Variants in KLF18 observed in about 807,000 individuals in gnomAD.
The protein encoded by KLF18 is Kruppel-like factor 18.
In KLF18 at chr1:44,140,913, G is replaced by T. The variant is rs962859038; in HGVS notation, c.719C>A (p.Thr240Asn). ...NQTLCGEQMT[T>N]SSGNQAFYGR... ...GTAGAAGGCCTGGTTACCACTGGAGGTCGTCATCTGCTCCCCACAGAGGGT... is the reference window on the plus strand; with the variant it reads ...GTAGAAGGCCTGGTTACCACTGGAGTTCGTCATCTGCTCCCCACAGAGGGT... Residue 240 changes from threonine to asparagine, a missense_variant, in exon 1 of 2, where the codon ACC becomes AAC. Transcript: ENST00000634670. The T allele has an allele frequency of 5.0e-6, 2 of 396,154 alleles. No homozygotes were observed. The highest frequency in any genetic ancestry group is 4.5e-6 in the Non-Finnish European group (1 of 224,510). 24.5% of individuals were successfully genotyped at this position (396,154 alleles called of 1,614,324 possible).
At position 44,139,237 on chromosome 1, in the gene KLF18, T is replaced by C; in HGVS notation, c.2395A>G (p.Thr799Ala). Reference sequence around the variant, plus strand: ...AGGGCCTGGTTACCAGTGGAGGTCGTCACCTGCTCCCCACAGAGGGTCTGG... The same window carrying C: ...AGGGCCTGGTTACCAGTGGAGGTCGCCACCTGCTCCCCACAGAGGGTCTGG... ...SNQTLCGEQV[T>A]TSTGNQALYR... Residue 799 changes from threonine (T) to alanine (A), a missense_variant, in exon 1 of 2, where the codon ACG becomes GCG. Thr to Ala is a moderately conservative substitution (Grantham distance 58, BLOSUM62 0). Coordinates refer to ENST00000634670, the MANE Select transcript of KLF18 (RefSeq NM_001358438.1). 1 of 390,498 alleles carries C rather than the reference T, an allele frequency of 2.6e-6. No homozygotes were observed. The highest frequency in any genetic ancestry group is 4.5e-6 in the Non-Finnish European group (1 of 222,398). The allele number at this position is 390,498 out of a possible 1,614,324, so 24.2% of individuals were successfully genotyped here.
rs532406716 is a variant in KLF18 at position 44,140,210 on chromosome 1, C to T, written c.1422G>A (p.Glu474=). The change falls in exon 1 of 2, where the codon GAG becomes GAA. Residue 474 remains glutamate (E), a synonymous_variant. Coordinates refer to ENST00000634670, the MANE Select transcript of KLF18 (RefSeq NM_001358438.1). The stretch of plus-strand genomic sequence containing the variant: ...GGTTACCAGTGGAGGTCGTCACCTG[C>T]TCCCCACAGAGGGTCTGGTTACTAG... ...TSTSNQTLCG[E]QVTTSTGNQA... 4 of 396,316 alleles carry T rather than the reference C, an allele frequency of 1.0e-5. No individual in the cohort carries two copies. Among genetic ancestry groups the T allele is most frequent in the South Asian group, 2.6e-4 (2 of 7,684 alleles). The allele number at this position is 396,316 out of a possible 1,614,324, so 24.5% of individuals were successfully genotyped here.
rs1326721136 is a variant in KLF18 at position 44,139,907 on chromosome 1, C to G, written c.1725G>C (p.Thr575=). The change falls in exon 1 of 2, where the codon ACG becomes ACC. Residue 575 remains threonine, a synonymous_variant. Transcript: ENST00000634670. ...GNQALYGGQI[T]TSTSNQTLCG... Reference sequence around the variant, plus strand: ...AGAGGGTCTGGTTACTAGTGGAGGTCGTGATCTGCCCCCCGTAGAGGGCCT... The same window carrying G: ...AGAGGGTCTGGTTACTAGTGGAGGTGGTGATCTGCCCCCCGTAGAGGGCCT... The G allele has an allele frequency of 2.4e-5, 9 of 369,122 alleles. 1 individual carries two copies. Among genetic ancestry groups the G allele is most frequent in the African/African-American group, 2.1e-4 (9 of 43,330 alleles). 22.9% of individuals were successfully genotyped at this position (369,122 alleles called of 1,614,324 possible).
In KLF18 at chr1:44,139,116, T is replaced by A. The variant is rs1186427939; in HGVS notation, c.2516A>T (p.Gln839Leu). 2.5e-5 allele frequency: 10 copies of A among 394,332 alleles called. No homozygotes were observed. The highest frequency in any genetic ancestry group is 4.4e-5 in the Non-Finnish European group (10 of 224,740). The allele number at this position is 394,332 out of a possible 1,614,324, so 24.4% of individuals were successfully genotyped here. The change falls in exon 1 of 2, where the codon CAG becomes CTG. Residue 839 changes from glutamine to leucine, a missense_variant. Transcript: ENST00000634670. ...CTGGTTACCAGTGGAGGTCGTCACC[T>A]GCTCCCCACAGAGGGTCTGGTTACT... ...STSNQTLCGE[Q>L]VTTSTGNQAL... is the part of the protein sequence containing the mutation.
Position 44,139,675 on chromosome 1 carries a change from G to T in KLF18, c.1957C>A (p.Leu653Ile), listed in dbSNP as rs1643214558. 2 of 397,590 alleles carry T rather than the reference G, an allele frequency of 5.0e-6. No homozygotes were observed. Among genetic ancestry groups the T allele is most frequent in the African/African-American group, 2.1e-5 (1 of 48,174 alleles). The allele number at this position is 397,590 out of a possible 1,614,324, so 24.6% of individuals were successfully genotyped here. A position where few individuals can be genotyped will look rare whatever the true frequency, so the allele number is the denominator to read the frequency against. ...QMTTSTSNQTLCEEQVMTSTG... is the reference protein window; with the variant it reads ...QMTTSTSNQTICEEQVMTSTG... ...GAGGTCATCACCTGCTCCTCACAGA[G>T]GGTCTGGTTACTAGTGGAGGTTGTC... The change falls in exon 1 of 2, where the codon CTC becomes ATC. Residue 653 changes from leucine (L) to isoleucine (I), a missense_variant. By Grantham distance (5) the Leu-to-Ile change is conservative (BLOSUM62 2). Coordinates refer to ENST00000634670, the MANE Select transcript of KLF18 (RefSeq NM_001358438.1).
chr1:44,138,678 A>T lies in KLF18; in HGVS notation c.2954T>A (p.Met985Lys). The change falls in exon 1 of 2, where the codon ATG becomes AAG. Residue 985 changes from methionine to lysine, a missense_variant. Met to Lys is a moderately conservative substitution (Grantham distance 95). Transcript: ENST00000634670. ...CCCTCACTCACCGGTGTGCTTGCGC[A>T]TGTGGGTTCGGAGGTGGCAAGCCTT... ...YSKACHLRTH[M>K]RKHTGEKPYV... 2.5e-6 allele frequency: 1 copy of T among 398,594 alleles called. No homozygotes were observed. Among genetic ancestry groups the T allele is most frequent in the East Asian group, 3.6e-5 (1 of 28,080 alleles). The allele number at this position is 398,594 out of a possible 1,614,324, so 24.7% of individuals were successfully genotyped here.
rs1439846736 is a variant in KLF18 at position 44,140,881 on chromosome 1, G to A, written c.751C>T (p.Gln251Ter). 2.6e-6 allele frequency: 1 copy of A among 383,072 alleles called. No individual in the cohort carries two copies. Among genetic ancestry groups the A allele is most frequent in the Non-Finnish European group, 4.5e-6 (1 of 221,670 alleles). 23.7% of individuals were successfully genotyped at this position (383,072 alleles called of 1,614,324 possible). Residue 251 changes from glutamine (Q) to a stop codon, truncating the protein, a stop_gained, in exon 1 of 2, where the codon CAG becomes TAG. Coordinates refer to ENST00000634670, the MANE Select transcript of KLF18 (RefSeq NM_001358438.1). LOFTEE classifies it high-confidence loss of function. The stretch of plus-strand genomic sequence containing the variant: ...TGGTTACCAGTGGAGGTCGTCATCT[G>A]TCTCCCGTAGAAGGCCTGGTTACCA... ...SSGNQAFYGR[Q>*]MTTSTGNQTL...
chr1:44,139,196 G>C lies in KLF18; in HGVS notation c.2436C>G (p.Ile812Met), dbSNP rs77624525. The change falls in exon 1 of 2, where the codon ATC (isoleucine) becomes ATG (methionine). Residue 812 changes from isoleucine (I) to methionine (M), a missense_variant. Ile to Met is a conservative substitution (Grantham distance 10, BLOSUM62 1). Coordinates refer to ENST00000634670, the MANE Select transcript of KLF18 (RefSeq NM_001358438.1). ...TGNQALYRGQITTSTSNQTLC... is the reference protein window; with the variant it reads ...TGNQALYRGQMTTSTSNQTLC... ...GGGTCTGGTTACTAGTGGAGGTCGT[G>C]ATCTGCCCCCTGTAGAGGGCCTGGT... The C allele has an allele frequency of 1.3e-4, 46 of 354,680 alleles. No individual in the cohort carries two copies. The highest frequency in any genetic ancestry group is 3.9e-4 in the Admixed American group (7 of 18,044). The allele number at this position is 354,680 out of a possible 1,614,324, so 22.0% of individuals were successfully genotyped here. A position where few individuals can be genotyped will look rare whatever the true frequency, so the allele number is the denominator to read the frequency against.
rs1643220043 is a variant in KLF18 at position 44,140,004 on chromosome 1, CCA to C, written c.1626_1627del (p.Cys542TrpfsTer9). The stretch of plus-strand genomic sequence containing the variant: ...ACTAGTGGGGGTCGTCATCTGCTCT[CCA>C]CAGAGGGTCTGGTTACTAGTAGAGG... On this transcript the variant is annotated frameshift_variant, in exon 1 of 2. Transcript: ENST00000634670. LOFTEE classifies it high-confidence loss of function. 1 of 390,074 alleles carries C rather than the reference CCA, an allele frequency of 2.6e-6. No homozygotes were observed. Among genetic ancestry groups the C allele is most frequent in the Admixed American group, 4.5e-5 (1 of 22,088 alleles). 24.2% of individuals were successfully genotyped at this position (390,074 alleles called of 1,614,324 possible).
At position 44,137,957 on chromosome 1, in the gene KLF18, G is replaced by A; in HGVS notation, c.3023C>T (p.Ser1008Leu). Residue 1008 changes from serine (S) to leucine (L), a missense_variant, in exon 2 of 2, where the codon TCA becomes TTA. By Grantham distance (145) the Ser-to-Leu change is moderately radical. Coordinates refer to ENST00000634670, the MANE Select transcript of KLF18 (RefSeq NM_001358438.1). ...VEGCTWKFAR[S>L]DELNRHKKRH... ...TTTCTTGTGTCTGTTGAGCTCATCTGAGCGGGCAAATTTCCACGTACATCC... is the reference window on the plus strand; with the variant it reads ...TTTCTTGTGTCTGTTGAGCTCATCTAAGCGGGCAAATTTCCACGTACATCC... The A allele has an allele frequency of 2.5e-6, 1 of 398,732 alleles. No homozygotes were observed. Among genetic ancestry groups the A allele is most frequent in the Non-Finnish European group, 4.4e-6 (1 of 226,178 alleles). The allele number at this position is 398,732 out of a possible 1,614,324, so 24.7% of individuals were successfully genotyped here. A position where few individuals can be genotyped will look rare whatever the true frequency, so the allele number is the denominator to read the frequency against.
rs2154312182 is a variant in KLF18, at chr1:44,138,811, G to C, written c.2821C>G (p.Gln941Glu). Residue 941 changes from glutamine to glutamate, a missense_variant, in exon 1 of 2, where the codon CAA (glutamine) becomes GAA (glutamate). Gln to Glu is a conservative substitution (Grantham distance 29). Coordinates refer to ENST00000634670, the MANE Select transcript of KLF18 (RefSeq NM_001358438.1). ...FLCFSSSHLI[Q>E]GQLPKQKTQS... is the part of the protein sequence containing the mutation. The stretch of plus-strand genomic sequence containing the variant: ...GTCTTCTGTTTTGGGAGTTGTCCTT[G>C]AATCAAATGGGAACTTGAAAAGCAT... 1 of 398,654 alleles carries C rather than the reference G, an allele frequency of 2.5e-6. No homozygotes were observed. The highest frequency in any genetic ancestry group is 4.4e-5 in the Admixed American group (1 of 22,742). 24.7% of individuals were successfully genotyped at this position (398,654 alleles called of 1,614,324 possible). A position where few individuals can be genotyped will look rare whatever the true frequency, so the allele number is the denominator to read the frequency against.
rs1643237029 is a variant in KLF18, at chr1:44,141,155, G to C, written c.477C>G (p.Leu159=). Reference sequence around the variant, plus strand: ...GCAGGGCTGGTATCTGACTCTCATTGAGGGTCTGGTCACTGCTTGGGGTGT... The same window carrying C: ...GCAGGGCTGGTATCTGACTCTCATTCAGGGTCTGGTCACTGCTTGGGGTGT... ...QLNTPSSDQT[L]NESQIPALLG... The change falls in exon 1 of 2, where the codon CTC becomes CTG. Residue 159 remains leucine, a synonymous_variant. Coordinates refer to ENST00000634670, the MANE Select transcript of KLF18 (RefSeq NM_001358438.1). The C allele has an allele frequency of 2.5e-6, 1 of 398,496 alleles. No individual in the cohort carries two copies. The highest frequency in any genetic ancestry group is 4.4e-5 in the Admixed American group (1 of 22,710). 24.7% of individuals were successfully genotyped at this position (398,496 alleles called of 1,614,324 possible).
intron 1 of KLF18, 89 bp downstream of exon 1, chr1:44,138,575 C>T (rs1183820243): frequency 2.3e-5 from 9 of 397,276 alleles, no homozygotes; most frequent in Non-Finnish European, 4.0e-5. Flanking sequence ...GAATCCCTGG[C>T]TTAAAGGAAG....
In KLF18 at chr1:44,138,909, GTGAGC is replaced by G; in HGVS notation, c.2718_2722del (p.Leu907Ter). ...TCCCCCATAAAGGCTGTGGTCATCA[GTGAGC>G]GTTGTCATATTGCCCACCTGAAGAG... On this transcript the variant is annotated frameshift_variant, in exon 1 of 2. Transcript: ENST00000634670. LOFTEE classifies it high-confidence loss of function. 1 of 398,706 alleles carries G rather than the reference GTGAGC, an allele frequency of 2.5e-6. No individual in the cohort carries two copies. Among genetic ancestry groups the G allele is most frequent in the Non-Finnish European group, 4.4e-6 (1 of 226,100 alleles). The allele number at this position is 398,706 out of a possible 1,614,324, so 24.7% of individuals were successfully genotyped here.
intron 1 of KLF18, among the ~76,000 whole-genome samples, chr1:44,138,292 T>C (rs1426118877): frequency 6.6e-6 from 1 of 151,456 alleles, no homozygotes; most frequent in Non-Finnish European, 1.5e-5. Context: ...GTGGGGGGAA[T>C]AAGGAGGATG....
chr1:44,141,149 C>G lies in KLF18; in HGVS notation c.483G>C (p.Glu161Asp). ...CTCCAAGCAGGGCTGGTATCTGACT[C>G]TCATTGAGGGTCTGGTCACTGCTTG... ...NTPSSDQTLNESQIPALLGDQ... is the reference protein window; with the variant it reads ...NTPSSDQTLNDSQIPALLGDQ... The change falls in exon 1 of 2, where the codon GAG becomes GAC. Residue 161 changes from glutamate (E) to aspartate (D), a missense_variant. Glu to Asp is a conservative substitution (Grantham distance 45). Transcript: ENST00000634670. 1 of 398,484 alleles carries G rather than the reference C, an allele frequency of 2.5e-6. No individual in the cohort carries two copies. The highest frequency in any genetic ancestry group is 4.4e-6 in the Non-Finnish European group (1 of 226,088). 24.7% of individuals were successfully genotyped at this position (398,484 alleles called of 1,614,324 possible).
chr1:44,138,176 C>A (rs763821444), intron 1 of KLF18, among the ~76,000 whole-genome samples, 165 bp from the exon 2 acceptor site: 4 of 151,010 alleles, frequency 2.6e-5, no homozygotes, highest in Admixed American at 2.0e-4. Context: ...GAATGAGGGC[C>A]GCAAAAGCTG....
chr1:44,140,782 C>A lies in KLF18; in HGVS notation c.850G>T (p.Ala284Ser). ...ALYGGQMTTS[A>S]SNQTLCGEQM... is the part of the protein sequence containing the mutation. ...TCTCCACAGAGGGTCTGGTTACTAG[C>A]GGAGGTCGTCATCTGCCCCCCATAG... is the stretch of plus-strand genomic sequence containing the variant. Residue 284 changes from alanine (A) to serine (S), a missense_variant, in exon 1 of 2, where the codon GCT becomes TCT. Transcript: ENST00000634670. 3.2e-6 allele frequency: 1 copy of A among 309,728 alleles called. No homozygotes were observed. Among genetic ancestry groups the A allele is most frequent in the Non-Finnish European group, 5.6e-6 (1 of 180,178 alleles). 19.2% of individuals were successfully genotyped at this position (309,728 alleles called of 1,614,324 possible). A position where few individuals can be genotyped will look rare whatever the true frequency, so the allele number is the denominator to read the frequency against.
At chr1:44,138,384 G>A (rs1312964012) in intron 1 of KLF18, among the ~76,000 whole-genome samples, 1 of 152,144 alleles carries the variant, frequency 6.6e-6, no homozygotes, top group African/African-American at 2.4e-5. Context: ...ACCTGCAAGA[G>A]GCCAAAGAAA....
Sources: gnomAD v4.1 joint callset for allele counts (sites outside exome capture counted in the v4.1 genomes callset) on GRCh38, gnomAD v4.1.1 for gene constraint, MANE v1.5 for transcripts, NCBI Gene and HGNC (gene_info 2026-07-23, HGNC 2026-07-21) for gene names.